GNB1L: variants seen among roughly 807,000 people sequenced by gnomAD.
GNB1L encodes G protein subunit beta 1 like, also known as guanine nucleotide-binding protein subunit beta-like protein 1.
A neutral mutation model predicts 29.1 loss-of-function variants in GNB1L; 20 were observed. That is an observed-to-expected ratio of 0.69 (90% confidence interval 0.48 to 1.00). The LOEUF is 1.00. Among genes scored for constraint, GNB1L ranks in the 50% least tolerant of loss-of-function variants. The probability of loss-of-function intolerance (pLI) is 0.00; values close to 1 mark genes in which losing one functional copy is unlikely to be tolerated. For synonymous variants in GNB1L, 193 were observed against 206.5 expected (o/e 0.93, Z 0.56); for missense variants, 421 against 464.9 (o/e 0.91, Z 0.87).
chr22:19,797,426 G>GT (rs547064424), intron 7 of GNB1L, among the ~76,000 whole-genome samples: 127 of 152,284 alleles, frequency 8.3e-4, no homozygotes, highest in African/African-American at 3.0e-3. Context: ...TTGTTTTAAT[G>GT]TTTAAGAAAA....
Position 19,784,590 on chromosome 22 carries a change from G to A in GNB1L, c.*4119C>T, listed in dbSNP as rs1937175053. 3.3e-5 allele frequency: 5 copies of A among 152,428 alleles called. No homozygotes were observed. Among genetic ancestry groups the A allele is most frequent in the Admixed American group, 3.3e-4 (5 of 15,292 alleles). 9.4% of individuals were successfully genotyped at this position (152,428 alleles called of 1,614,324 possible). A position where few individuals can be genotyped will look rare whatever the true frequency, so the allele number is the denominator to read the frequency against. On this transcript the variant is annotated 3_prime_UTR_variant, in exon 8 of 8. Coordinates refer to ENST00000329517, the MANE Select transcript of GNB1L (RefSeq NM_053004.3). ...GGTGAGTGCTGCCCGCCCGCGGATG[G>A]GGTGCTGGCCGAACCTACCTTGTAA...
At chr22:19,812,154 GC>G in intron 5 of GNB1L, 130 bp downstream of exon 5, 1 of 946,182 alleles carries the variant, frequency 1.1e-6, no homozygotes, top group South Asian at 1.7e-5. Flanking sequence ...ATCAGCCCCG[GC>G]TGCTGAAGCT....
At chr22:19,797,051 C>T (rs1937314384) in intron 7 of GNB1L, among the ~76,000 whole-genome samples, 1 of 152,168 alleles carries the variant, frequency 6.6e-6, no homozygotes, top group Non-Finnish European at 1.5e-5. Flanking sequence ...TAGAAAAATT[C>T]CCCAAATCAG....
chr22:19,818,841 T>C (rs1440314780), intron 4 of GNB1L, among the ~76,000 whole-genome samples: 1 of 152,116 alleles, frequency 6.6e-6, no homozygotes, highest in Non-Finnish European at 1.5e-5. Flanking sequence ...CAGATGTCAC[T>C]CTGATCAAGG....
chr22:19,819,802 G>C (rs904145552), intron 4 of GNB1L, among the ~76,000 whole-genome samples: 9 of 152,148 alleles, frequency 5.9e-5, no homozygotes, highest in African/African-American at 2.2e-4. Flanking sequence ...TGCAGGGGTA[G>C]AAACCACAGG....
At chr22:19,835,818 G>A (rs1236830635) in intron 2 of GNB1L, among the ~76,000 whole-genome samples, 1 of 152,180 alleles carries the variant, frequency 6.6e-6, no homozygotes, top group Non-Finnish European at 1.5e-5. Context: ...TAATCAATGG[G>A]TTCAAGAGGA....
At position 19,783,229 on chromosome 22, in the gene GNB1L, T is replaced by C. The variant is rs1937159388; in HGVS notation, c.*5480A>G. 6 of 589,932 alleles carry C rather than the reference T, an allele frequency of 1.0e-5. No individual in the cohort carries two copies. The East Asian group carries it at 1.8e-4, about 17-fold the overall frequency. 36.5% of individuals were successfully genotyped at this position (589,932 alleles called of 1,614,324 possible). On this transcript the variant is annotated 3_prime_UTR_variant, in exon 8 of 8. Transcript: ENST00000329517. ...AGAATGGCTGTTATGCTGCTCTGTT[T>C]GAGGTGGTTTATTAATGTAGCAAGA...
chr22:19,852,289 G>A (rs1938126962), intron 2 of GNB1L: 1 of 1,577,184 alleles, frequency 6.3e-7, no homozygotes, highest in Non-Finnish European at 8.6e-7. Context: ...GAAGAGAGGA[G>A]AGCCAGCACT....
intron 2 of GNB1L, chr22:19,852,059 G>A: frequency 6.2e-7 from 1 of 1,614,238 alleles, no homozygotes; most frequent in Non-Finnish European, 8.5e-7. Context: ...AGTGCCACTA[G>A]CTGTGCTCTT....
At chr22:19,830,376 C>T (rs187084198) in intron 2 of GNB1L, among the ~76,000 whole-genome samples, 17 of 151,592 alleles carry the variant, frequency 1.1e-4, no homozygotes, top group African/African-American at 3.6e-4. Flanking sequence ...TATTTGTATA[C>T]AATAACAATA....
chr22:19,849,703 A>C, intron 2 of GNB1L: 1 of 985,370 alleles, frequency 1.0e-6, no homozygotes, highest in African/African-American at 1.7e-5. Context: ...CTTGCTAATT[A>C]GTTTTTCCTA....
chr22:19,851,589 G>A (rs765347164), intron 2 of GNB1L: 20 of 1,602,282 alleles, frequency 1.2e-5, no homozygotes, highest in Non-Finnish European at 1.7e-5. Flanking sequence ...CCCATGTCGA[G>A]TGCCAGGCCC....
intron 2 of GNB1L, chr22:19,851,220 C>A (rs1274229273): frequency 1.9e-6 from 3 of 1,598,390 alleles, no homozygotes; most frequent in Non-Finnish European, 2.6e-6. Context: ...GCCTCCACCA[C>A]CTCCTGTGGG....
chr22:19,843,083 T>C lies in GNB1L; in HGVS notation c.-21+11360A>G, dbSNP rs998712299. 7.2e-5 allele frequency among the ~76,000 whole-genome samples: 11 copies of C among 152,304 alleles called. No homozygotes were observed. The South Asian group carries it at 2.1e-3, about 29-fold the overall frequency. ...TCCCCTTTGAAGCCTCGCTGAGTGA[T>C]TGAAGCGTCTACTTTCTGAGGGGCA... On this transcript the variant is annotated intron_variant, in intron 2 of 7. Transcript: ENST00000329517.
At chr22:19,829,794 T>A (rs1172278143) in intron 2 of GNB1L, among the ~76,000 whole-genome samples, 1 of 152,148 alleles carries the variant, frequency 6.6e-6, no homozygotes, top group East Asian at 1.9e-4. Context: ...CAATGCCCAT[T>A]TTTTATTAAA....
intron 2 of GNB1L, chr22:19,850,442 G>A: frequency 1.0e-6 from 1 of 996,286 alleles, no homozygotes; most frequent in Non-Finnish European, 1.2e-6. Flanking sequence ...AGAGGAGCCT[G>A]CTTCAGAACA....
intron 7 of GNB1L, chr22:19,792,902 C>G (rs1937267789): frequency 1.7e-6 from 2 of 1,181,116 alleles, no homozygotes; most frequent in Non-Finnish European, 2.5e-6. Context: ...CCACTGTCAC[C>G]TTCACATAGG....
intron 2 of GNB1L, among the ~76,000 whole-genome samples, chr22:19,829,204 A>G (rs931471664): frequency 6.6e-6 from 1 of 152,232 alleles, no homozygotes; most frequent in African/African-American, 2.4e-5. Context: ...CAAAAAATAC[A>G]ACCAACAAGG....
At chr22:19,840,904 A>C (rs1315915381) in intron 2 of GNB1L, among the ~76,000 whole-genome samples, 5 of 152,222 alleles carry the variant, frequency 3.3e-5, no homozygotes, top group Non-Finnish European at 5.9e-5. Flanking sequence ...GCTCAGTCTA[A>C]TCGTGAGAAG....
Sources: gnomAD v4.1 joint callset for allele counts (sites outside exome capture counted in the v4.1 genomes callset) on GRCh38, gnomAD v4.1.1 for gene constraint, MANE v1.5 for transcripts, NCBI Gene and HGNC (gene_info 2026-07-23, HGNC 2026-07-21) for gene names.